The following ASB3 variants were observed in gnomAD, a reference collection of about 807,000 sequenced individuals.
ASB3 encodes ankyrin repeat and SOCS box protein 3.
Under a neutral mutation model 54.5 loss-of-function variants are expected in ASB3, and 41 were observed. The observed-to-expected ratio is 0.75, with a 90% CI of 0.59 to 0.98. The LOEUF is 0.98. Ranked by LOEUF, ASB3 falls within the 50% of genes least tolerant of loss-of-function variation. The pLI, the probability that ASB3 is intolerant of heterozygous loss-of-function variation, is 0.00. For missense variants in ASB3, 733 were observed against 620.0 expected, an observed-to-expected ratio of 1.18 and a Z score of -1.94; for synonymous variants, 266 against 221.2, an observed-to-expected ratio of 1.20 and a Z score of -1.80.
intron 2 of ASB3, among the ~76,000 whole-genome samples, chr2:53,761,517 G>A (rs1273843462): frequency 6.6e-6 from 1 of 152,050 alleles, no homozygotes; most frequent in African/African-American, 2.4e-5. Context: ...TGATCCTCAG[G>A]CCTTCAAACT....
At chr2:53,731,802 G>A (rs1032151245) in intron 3 of ASB3, among the ~76,000 whole-genome samples, 3 of 152,042 alleles carry the variant, frequency 2.0e-5, no homozygotes, top group East Asian at 1.9e-4. Context: ...ACAGGCACCC[G>A]CAATCATGCT....
chr2:53,750,987 T>C, intron 2 of ASB3, 46 bp from the exon 3 acceptor site: 1 of 1,418,570 alleles, frequency 7.0e-7, no homozygotes, highest in Non-Finnish European at 9.3e-7. Context: ...TTACTTCTAT[T>C]TCCTGGTTTT....
At chr2:53,693,536 T>A (rs1669026747) in intron 9 of ASB3, among the ~76,000 whole-genome samples, 1 of 152,112 alleles carries the variant, frequency 6.6e-6, no homozygotes, top group Non-Finnish European at 1.5e-5. Context: ...AAAAATTAAG[T>A]TTAGCATTTT....
intron 7 of ASB3, among the ~76,000 whole-genome samples, chr2:53,711,626 T>G (rs923968519): frequency 2.6e-5 from 4 of 152,092 alleles, no homozygotes; most frequent in Non-Finnish European, 5.9e-5. Context: ...ATACAAAAAG[T>G]AGCTGAGCAT....
intron 1 of ASB3, among the ~76,000 whole-genome samples, chr2:53,779,389 T>A (rs1674522874): frequency 6.6e-6 from 1 of 152,156 alleles, no homozygotes; most frequent in South Asian, 2.1e-4. Flanking sequence ...CAAGCAACTT[T>A]CTGCCAGATT....
chr2:53,706,640 T>C (rs1469624037), intron 7 of ASB3, among the ~76,000 whole-genome samples: 1 of 151,614 alleles, frequency 6.6e-6, no homozygotes, highest in African/African-American at 2.4e-5. Context: ...AGAGACGGGG[T>C]TTCAGCATGT....
At chr2:53,676,238 G>C (rs189533981) in intron 9 of ASB3, among the ~76,000 whole-genome samples, 4 of 152,304 alleles carry the variant, frequency 2.6e-5, no homozygotes, top group Non-Finnish European at 5.9e-5. Flanking sequence ...CTTTAGGAAA[G>C]TATCCACAGT....
intron 3 of ASB3, among the ~76,000 whole-genome samples, chr2:53,748,685 C>A (rs1672358405): frequency 6.6e-6 from 1 of 151,962 alleles, no homozygotes; most frequent in South Asian, 2.1e-4. Context: ...TATACAAAAT[C>A]AATGACCTGA....
chr2:53,736,483 G>C (rs570544338), intron 3 of ASB3, among the ~76,000 whole-genome samples: 46 of 152,170 alleles, frequency 3.0e-4, no homozygotes, highest in Non-Finnish European at 6.2e-4. Flanking sequence ...CGGATCGCGA[G>C]GTCAGGAAAT....
intron 1 of ASB3, chr2:53,774,582 TTTAC>T: frequency 2.3e-6 from 3 of 1,278,928 alleles, no homozygotes; most frequent in Admixed American, 5.3e-5. Flanking sequence ...TGGAAATACG[TTTAC>T]TTAAAGATCT....
chr2:53,690,701 T>A (rs937676178), intron 9 of ASB3, among the ~76,000 whole-genome samples: 1 of 146,272 alleles, frequency 6.8e-6, no homozygotes, highest in South Asian at 2.1e-4. Flanking sequence ...ATCTCCTACC[T>A]TTTTTTTTTC....
chr2:53,769,932 C>G (rs1331962117), intron 1 of ASB3, among the ~76,000 whole-genome samples: 1 of 152,208 alleles, frequency 6.6e-6, no homozygotes, highest in Non-Finnish European at 1.5e-5. Context: ...TAGCCCATAT[C>G]TTAGCTCTAT....
chr2:53,743,734 C>A (rs1316096596), intron 3 of ASB3, among the ~76,000 whole-genome samples: 1 of 152,170 alleles, frequency 6.6e-6, no homozygotes, highest in Non-Finnish European at 1.5e-5. Context: ...ATCCTAGTTT[C>A]ATAATTGCTT....
intron 7 of ASB3, among the ~76,000 whole-genome samples, chr2:53,704,912 A>C (rs1669687054): frequency 6.6e-6 from 1 of 152,172 alleles, no homozygotes; most frequent in Non-Finnish European, 1.5e-5. Flanking sequence ...TTTTTCTACA[A>C]CTATATAACT....
At chr2:53,721,015 A>C (rs542758952) in intron 5 of ASB3, among the ~76,000 whole-genome samples, 1 of 151,844 alleles carries the variant, frequency 6.6e-6, no homozygotes, top group South Asian at 2.1e-4. Context: ...GGTACTCAGG[A>C]GGCTGAGGCA....
chr2:53,782,017 T>TA (rs1011804447), intron 1 of ASB3, among the ~76,000 whole-genome samples: 36 of 151,900 alleles, frequency 2.4e-4, no homozygotes, highest in Non-Finnish European at 4.9e-4. Flanking sequence ...ATTCAAAAAA[T>TA]AAAAAAATTA....
chr2:53,704,242 C>A (rs932432395), intron 7 of ASB3, among the ~76,000 whole-genome samples: 1 of 151,832 alleles, frequency 6.6e-6, no homozygotes, highest in Non-Finnish European at 1.5e-5. Flanking sequence ...TGCCTGTAAT[C>A]CCAGCTACTC....
intron 8 of ASB3, among the ~76,000 whole-genome samples, chr2:53,694,876 G>C (rs972414936): frequency 6.6e-6 from 1 of 152,050 alleles, no homozygotes; most frequent in African/African-American, 2.4e-5. Flanking sequence ...AAACTATAAA[G>C]TATTATACGA....
intron 3 of ASB3, among the ~76,000 whole-genome samples, chr2:53,744,635 TA>T (rs984046686): frequency 6.6e-6 from 1 of 150,822 alleles, no homozygotes; most frequent in South Asian, 2.1e-4. Context: ...TTGAAAAATC[TA>T]AAAAAAAACC....
Sources: gnomAD v4.1 joint callset for allele counts (sites outside exome capture counted in the v4.1 genomes callset) on GRCh38, gnomAD v4.1.1 for gene constraint, MANE v1.5 for transcripts, NCBI Gene and HGNC (gene_info 2026-07-23, HGNC 2026-07-21) for gene names.